Variants in PHF3 observed in about 807,000 individuals in gnomAD.
The protein encoded by PHF3 is PHD finger protein 3.
Under a neutral mutation model 178.4 loss-of-function variants are expected in PHF3, and 41 were observed. That is an observed-to-expected ratio of 0.23 (90% confidence interval 0.18 to 0.30). The LOEUF (loss-of-function observed/expected upper bound fraction) is 0.30. Ranked by LOEUF, PHF3 falls within the 10% of genes least tolerant of loss-of-function variation. The pLI is 1.00. For synonymous variants in PHF3, 842 were observed against 800.5 expected (o/e 1.05, Z -0.88); for missense variants, 2,346 against 2,398.1 (o/e 0.98, Z 0.45).
intron 1 of PHF3, among the ~76,000 whole-genome samples, chr6:63,640,348 T>G (rs973331527): frequency 6.6e-6 from 1 of 152,240 alleles, no homozygotes; most frequent in Non-Finnish European, 1.5e-5. Flanking sequence ...CTTAGTGTAA[T>G]GCAGAGTGGA....
intron 2 of PHF3, among the ~76,000 whole-genome samples, chr6:63,657,633 CAG>C (rs747783724): frequency 2.5e-4 from 38 of 152,188 alleles, no homozygotes; most frequent in South Asian, 8.3e-4. Flanking sequence ...GGAGGAAGAA[CAG>C]GGGCTAGTGG....
intron 13 of PHF3, among the ~76,000 whole-genome samples, chr6:63,707,852 T>TTTTTGG (rs1767760207): frequency 6.7e-6 from 1 of 150,036 alleles, no homozygotes; most frequent in African/African-American, 2.4e-5. Context: ...TGTGGGTTTG[T>TTTTTGG]TTTTGTTTTT....
intron 8 of PHF3, among the ~76,000 whole-genome samples, 183 bp downstream of exon 8, chr6:63,698,788 A>G (rs977722396): frequency 2.0e-5 from 3 of 152,160 alleles, no homozygotes; most frequent in Non-Finnish European, 4.4e-5. Context: ...TAATAGCATT[A>G]ACCATTCAGT....
At chr6:63,678,687 C>A in intron 2 of PHF3, 2 of 261,954 alleles carry the variant, frequency 7.6e-6, no homozygotes, top group Non-Finnish European at 7.6e-6. Flanking sequence ...CTTCATAATC[C>A]ATTCTTTCCT....
At position 63,713,187 on chromosome 6, in the gene PHF3, C is replaced by T. The variant is rs773038923; in HGVS notation, c.5599C>T (p.Arg1867Cys). 13 of 1,613,914 alleles carry T rather than the reference C, an allele frequency of 8.1e-6. No homozygotes were observed. Among genetic ancestry groups the T allele is most frequent in the African/African-American group, 2.7e-5 (2 of 74,890 alleles). ...TGTTCATCTCCCAGGTCAGCCACAG[C>T]GTATGATGGGTCCTCTCTCACAAGC... is the stretch of plus-strand genomic sequence containing the variant. ...PVVHLPGQPQRMMGPLSQASR... is the reference protein window; with the variant it reads ...PVVHLPGQPQCMMGPLSQASR... The change falls in exon 16 of 16, where the codon CGT becomes TGT. Residue 1867 changes from arginine to cysteine, a missense_variant. By Grantham distance (180) the Arg-to-Cys change is radical (BLOSUM62 -3). Coordinates refer to ENST00000262043, the MANE Select transcript of PHF3 (RefSeq NM_001370348.2).
At chr6:63,673,257 A>T (rs1766001512) in intron 2 of PHF3, among the ~76,000 whole-genome samples, 2 of 152,170 alleles carry the variant, frequency 1.3e-5, no homozygotes, top group Non-Finnish European at 2.9e-5. Context: ...TTAGAAAAGG[A>T]TTGAAAAGAT....
Position 63,713,784 on chromosome 6 carries a change from C to T in PHF3, c.*76C>T. On this transcript the variant is annotated 3_prime_UTR_variant, in exon 16 of 16. Coordinates refer to ENST00000262043, the MANE Select transcript of PHF3 (RefSeq NM_001370348.2). ...ATCTTGTAAACAAAAGAAAGATTGC[C>T]TGCTAGGATTGTGCCATCTTTAAAA... The T allele has an allele frequency of 8.1e-7, 1 of 1,241,000 alleles. No individual in the cohort carries two copies. The allele number at this position is 1,241,000 out of a possible 1,614,324, so 76.9% of individuals were successfully genotyped here. A position where few individuals can be genotyped will look rare whatever the true frequency, so the allele number is the denominator to read the frequency against.
rs1766620287 is a variant in PHF3 at position 63,685,053 on chromosome 6, C to G, written c.1331C>G (p.Pro444Arg). ...TTGGAAAATGCTATTTGTGATGTGC[C>G]TGACCAAAATTCAAAACAGTTGAAT... ...NILENAICDV[P>R]DQNSKQLNAI... Residue 444 changes from proline to arginine, a missense_variant, in exon 4 of 16, where the codon CCT becomes CGT. Transcript: ENST00000262043. 6.2e-7 allele frequency: 1 copy of G among 1,613,966 alleles called. No homozygotes were observed. Among genetic ancestry groups the G allele is most frequent in the Non-Finnish European group, 8.5e-7 (1 of 1,179,972 alleles).
At chr6:63,664,890 A>G (rs1208497147) in intron 2 of PHF3, among the ~76,000 whole-genome samples, 3 of 152,036 alleles carry the variant, frequency 2.0e-5, no homozygotes, top group Admixed American at 6.5e-5. Context: ...ATTGTAAGTT[A>G]TAATCTTAGT....
chr6:63,646,115 CT>C (rs1581996301), intron 1 of PHF3, among the ~76,000 whole-genome samples: 1 of 151,952 alleles, frequency 6.6e-6, no homozygotes, highest in East Asian at 1.9e-4. Context: ...GATTTTAGCT[CT>C]TTTATGTGGA....
rs1395596842 is a variant in PHF3, at chr6:63,706,234, T to C, written c.3563+10T>C. 6.3e-7 allele frequency: 1 copy of C among 1,598,836 alleles called. No homozygotes were observed. Among genetic ancestry groups the C allele is most frequent in the East Asian group, 2.2e-5 (1 of 44,786 alleles). On this transcript the variant is annotated intron_variant, in intron 12 of 15. Transcript: ENST00000262043. The stretch of plus-strand genomic sequence containing the variant: ...TCTCTCCTGCTCCACGGTAATTTTC[T>C]CTGTTGTAAATTCTGTAATACTCAT...
At position 63,714,739 on chromosome 6, in the gene PHF3, T is replaced by C. The variant is rs1358208490; in HGVS notation, c.*1031T>C. On this transcript the variant is annotated 3_prime_UTR_variant, in exon 16 of 16. Transcript: ENST00000262043. ...TCTGAAAACTTTTACACCATCGCAA[T>C]TTGGTACTCTGACTCACTAATCATT... 1 of 152,088 alleles carries C rather than the reference T, an allele frequency of 6.6e-6. No homozygotes were observed. Among genetic ancestry groups the C allele is most frequent in the Non-Finnish European group, 1.5e-5 (1 of 67,978 alleles). 9.4% of individuals were successfully genotyped at this position (152,088 alleles called of 1,614,324 possible).
At chr6:63,668,616 AGG>A (rs1224694440) in intron 2 of PHF3, among the ~76,000 whole-genome samples, 3 of 152,166 alleles carry the variant, frequency 2.0e-5, no homozygotes, top group African/African-American at 7.2e-5. Flanking sequence ...CTGGGATTAT[AGG>A]CTTGAGCCAC....
chr6:63,657,631 A>G (rs2149551909), intron 2 of PHF3, among the ~76,000 whole-genome samples: 1 of 152,312 alleles, frequency 6.6e-6, no homozygotes, highest in South Asian at 2.1e-4. Flanking sequence ...GAGGAGGAAG[A>G]ACAGGGGCTA....
In PHF3 at chr6:63,713,315, G is replaced by A; in HGVS notation, c.5727G>A (p.Leu1909=). 6.2e-7 allele frequency: 1 copy of A among 1,613,986 alleles called. No individual in the cohort carries two copies. The highest frequency in any genetic ancestry group is 8.5e-7 in the Non-Finnish European group (1 of 1,179,978). ...DPWGRQDQQQ[L]DRPFNRGKGD... ...GGGGTAGGCAAGACCAACAGCAACT[G>A]GATAGGCCATTTAATAGGGGTAAAG... The change falls in exon 16 of 16, where the codon CTG becomes CTA. Residue 1909 remains leucine (L), a synonymous_variant. Transcript: ENST00000262043.
In PHF3 at chr6:63,713,850, G is replaced by A. The variant is rs900224512; in HGVS notation, c.*142G>A. ...ATTTGCAGAACAGTAAATTCTGTGT[G>A]TTGGTACAGAGTGCTCTGTACCAGT... On this transcript the variant is annotated 3_prime_UTR_variant, in exon 16 of 16. Coordinates refer to ENST00000262043, the MANE Select transcript of PHF3 (RefSeq NM_001370348.2). 1 of 670,868 alleles carries A rather than the reference G, an allele frequency of 1.5e-6. No homozygotes were observed. Among genetic ancestry groups the A allele is most frequent in the Non-Finnish European group, 2.5e-6 (1 of 402,524 alleles). 41.6% of individuals were successfully genotyped at this position (670,868 alleles called of 1,614,324 possible). A position where few individuals can be genotyped will look rare whatever the true frequency, so the allele number is the denominator to read the frequency against.
chr6:63,647,553 T>C (rs950987266), intron 2 of PHF3, among the ~76,000 whole-genome samples: 5 of 152,216 alleles, frequency 3.3e-5, no homozygotes, highest in Admixed American at 3.3e-4. Flanking sequence ...GTTTTGTTTT[T>C]TTTGCCTTTT....
intron 1 of PHF3, among the ~76,000 whole-genome samples, chr6:63,645,909 T>TTG (rs1284210734): frequency 5.3e-5 from 8 of 151,920 alleles, no homozygotes; most frequent in Admixed American, 2.0e-4. Flanking sequence ...GTGCACATCT[T>TTG]TGTGTGTGTG....
chr6:63,721,820 T>C lies in PHF3; in HGVS notation c.*8112T>C, dbSNP rs1393522697. On this transcript the variant is annotated 3_prime_UTR_variant, in exon 16 of 16. Coordinates refer to ENST00000262043, the MANE Select transcript of PHF3 (RefSeq NM_001370348.2). ...CACCTGCAAGAAAGCAAACAGTAAG[T>C]TTGATTAGCAACAGTAAAAGTTTCC... is the stretch of plus-strand genomic sequence containing the variant. 2.0e-6 allele frequency: 3 copies of C among 1,526,186 alleles called. No homozygotes were observed. The African/African-American group carries it at 4.2e-5, about 21-fold the overall frequency. The allele number at this position is 1,526,186 out of a possible 1,614,324, so 94.5% of individuals were successfully genotyped here.
Sources: gnomAD v4.1 joint callset for allele counts (sites outside exome capture counted in the v4.1 genomes callset) on GRCh38, gnomAD v4.1.1 for gene constraint, MANE v1.5 for transcripts, NCBI Gene and HGNC (gene_info 2026-07-23, HGNC 2026-07-21) for gene names.